SYNE2: variants seen among roughly 807,000 people sequenced by gnomAD.
SYNE2 encodes the protein spectrin repeat containing nuclear envelope protein 2, also known as nesprin-2.
SYNE2 carries 431 observed loss-of-function variants against 856.3 expected under a neutral mutation model. That is an observed-to-expected ratio of 0.50 (90% confidence interval 0.47 to 0.55). SYNE2 has a LOEUF of 0.55. Among genes scored for constraint, SYNE2 ranks in the 20% least tolerant of loss-of-function variants. SYNE2 has a pLI of 0.00. For missense variants in SYNE2, 8,129 were observed against 8,023.2 expected (o/e 1.01, Z -0.50); for synonymous variants, 2,923 against 2,872.3 (o/e 1.02, Z -0.56).
At chr14:64,173,746 T>G (rs2098421580) in intron 94 of SYNE2, among the ~76,000 whole-genome samples, 2 of 152,122 alleles carry the variant, frequency 1.3e-5, no homozygotes, top group Admixed American at 1.3e-4. Context: ...CCACAGGCAC[T>G]CACCAGAATG....
intron 108 of SYNE2, 25 bp downstream of exon 108, chr14:64,216,412 A>G (rs1310186611): frequency 1.2e-6 from 2 of 1,611,856 alleles, no homozygotes; most frequent in Admixed American, 3.3e-5. Flanking sequence ...CACTGGGAGT[A>G]CAGCCTATGT....
intron 1 of SYNE2, among the ~76,000 whole-genome samples, chr14:63,812,437 C>T (rs184397444): frequency 3.7e-4 from 56 of 152,230 alleles, no homozygotes; most frequent in Non-Finnish European, 7.2e-4. Flanking sequence ...TTCAAACACA[C>T]GTTTTACAAT....
chr14:64,124,190 AGCGAGACTCCGTCT>A (rs2097919163), intron 70 of SYNE2, among the ~76,000 whole-genome samples: 1 of 151,938 alleles, frequency 6.6e-6, no homozygotes, highest in Non-Finnish European at 1.5e-5. Flanking sequence ...TGGTGACAAC[AGCGAGACTCCGTCT>A]CAAAAAAAGA....
At position 63,983,726 on chromosome 14, in the gene SYNE2, A is replaced by G. The variant is rs867960459; in HGVS notation, c.2002-11A>G. On this transcript the variant is annotated splice_polypyrimidine_tract_variant and intron_variant, in intron 17 of 115. Coordinates refer to ENST00000555002, the MANE Select transcript of SYNE2 (RefSeq NM_182914.3). Reference sequence around the variant, plus strand: ...TATGAGTATTACATTTCATGAAATTATTTTGTATAGGAAATGAACCTGCCA... The same window carrying G: ...TATGAGTATTACATTTCATGAAATTGTTTTGTATAGGAAATGAACCTGCCA... 3.1e-6 allele frequency: 5 copies of G among 1,608,082 alleles called. No homozygotes were observed. Among genetic ancestry groups the G allele is most frequent in the Middle Eastern group, 3.3e-4 (2 of 6,050 alleles).
chr14:64,150,668 G>A (rs2098234114), intron 84 of SYNE2, among the ~76,000 whole-genome samples: 2 of 152,184 alleles, frequency 1.3e-5, no homozygotes, highest in African/African-American at 4.8e-5. Flanking sequence ...AGTGTTTTTA[G>A]AAATCTAGTT....
intron 57 of SYNE2, chr14:64,084,848 C>T (rs1053542479): frequency 2.0e-5 from 13 of 654,388 alleles, no homozygotes; most frequent in African/African-American, 5.3e-5. Context: ...GTCAAGGTGT[C>T]GACAAAGGCT....
chr14:63,800,668 G>A (rs1411650823), intron 1 of SYNE2, among the ~76,000 whole-genome samples: 1 of 152,204 alleles, frequency 6.6e-6, no homozygotes, highest in Non-Finnish European at 1.5e-5. Context: ...GTGGGAACAT[G>A]GATGGAGCTG....
At position 63,977,537 on chromosome 14, in the gene SYNE2, G is replaced by C. The variant is rs193106779; in HGVS notation, c.1294-368G>C. Among the ~76,000 whole-genome samples the C allele has an allele frequency of 1.5e-3, 233 of 152,236 alleles. 4 individuals carry two copies. The highest frequency in any genetic ancestry group is 4.3e-4 in the Non-Finnish European group (29 of 68,012). The stretch of plus-strand genomic sequence containing the variant: ...AAAAATATTTATTCACAAAATCTTA[G>C]TTAAAGGGGGTAGTTTCATCCTAGG... On this transcript the variant is annotated intron_variant, in intron 12 of 115. Transcript: ENST00000555002.
At chr14:64,221,739 A>G (rs777949779) in intron 112 of SYNE2, 35 bp downstream of exon 112, 2 of 1,611,976 alleles carry the variant, frequency 1.2e-6, no homozygotes, top group South Asian at 1.1e-5. Context: ...TACTGCCACC[A>G]GCCTCTGTCA....
In SYNE2 at chr14:64,143,967, A is replaced by G. The variant is rs2153694760; in HGVS notation, c.15483+19A>G. 1 of 1,613,992 alleles carries G rather than the reference A, an allele frequency of 6.2e-7. No homozygotes were observed. Among genetic ancestry groups the G allele is most frequent in the Non-Finnish European group, 8.5e-7 (1 of 1,179,866 alleles). On this transcript the variant is annotated intron_variant, in intron 83 of 115. Transcript: ENST00000555002. ...TAGAAAGGTGTGTTCCTGCGTCACA[A>G]CTGGATGTGTGGTTTGACCTTTATG... is the stretch of plus-strand genomic sequence containing the variant.
At chr14:63,921,647 T>G (rs1005382649) in intron 2 of SYNE2, among the ~76,000 whole-genome samples, 3 of 152,190 alleles carry the variant, frequency 2.0e-5, no homozygotes, top group African/African-American at 7.2e-5. Context: ...ACAATGGAAA[T>G]ACGTAAGTGG....
chr14:63,974,884 G>GTATATATA (rs1261730365), intron 11 of SYNE2, among the ~76,000 whole-genome samples: 18 of 27,284 alleles, frequency 6.6e-4, no homozygotes, highest in South Asian at 4.5e-3. Context: ...GTGTGTGTGT[G>GTATATATA]TGTGTGTGTA....
At chr14:63,870,104 A>T (rs1489071265) in intron 1 of SYNE2, among the ~76,000 whole-genome samples, 2 of 152,150 alleles carry the variant, frequency 1.3e-5, no homozygotes, top group African/African-American at 4.8e-5. Context: ...ATGAGAATAT[A>T]GTCTGAACAC....
intron 1 of SYNE2, among the ~76,000 whole-genome samples, chr14:63,860,787 A>G (rs1322658483): frequency 6.6e-6 from 1 of 152,196 alleles, no homozygotes; most frequent in Non-Finnish European, 1.5e-5. Context: ...CACACAGGTA[A>G]AAGTCAATGT....
intron 1 of SYNE2, among the ~76,000 whole-genome samples, chr14:63,846,456 TAC>T (rs961812828): frequency 6.6e-5 from 10 of 152,232 alleles, no homozygotes; most frequent in Admixed American, 2.0e-4. Flanking sequence ...CCGATTTTTT[TAC>T]AGACTTTGAT....
At chr14:64,220,011 G>C (rs1438817595) in intron 110 of SYNE2, among the ~76,000 whole-genome samples, 1 of 152,166 alleles carries the variant, frequency 6.6e-6, no homozygotes, top group Non-Finnish European at 1.5e-5. Flanking sequence ...GAGGATCCAG[G>C]TACCTTTCAT....
chr14:63,798,969 C>T (rs1888029099), intron 1 of SYNE2, among the ~76,000 whole-genome samples: 1 of 152,170 alleles, frequency 6.6e-6, no homozygotes, highest in Non-Finnish European at 1.5e-5. Context: ...CAGGGTCCTG[C>T]TCACACAAGT....
chr14:64,215,990 C>G (rs1287735951), intron 107 of SYNE2: 1 of 1,415,164 alleles, frequency 7.1e-7, no homozygotes, highest in Non-Finnish European at 9.3e-7. Context: ...CACTCGAGAC[C>G]CTGGCTCCAA....
intron 85 of SYNE2, among the ~76,000 whole-genome samples, chr14:64,157,512 A>G (rs1297035065): frequency 6.6e-6 from 1 of 152,094 alleles, no homozygotes; most frequent in Non-Finnish European, 1.5e-5. Context: ...GGTTGTTTCC[A>G]TTTTTAGGCT....
Sources: gnomAD v4.1 joint callset for allele counts (sites outside exome capture counted in the v4.1 genomes callset) on GRCh38, gnomAD v4.1.1 for gene constraint, MANE v1.5 for transcripts, NCBI Gene and HGNC (gene_info 2026-07-23, HGNC 2026-07-21) for gene names.